The following MAZ variants were observed in gnomAD, a reference collection of about 807,000 sequenced individuals.
MAZ encodes the protein MYC associated zinc finger protein.
MAZ carries 4 observed loss-of-function variants against 32.7 expected under a neutral mutation model. The observed-to-expected ratio is 0.12, with a 90% CI of 0.06 to 0.28. MAZ has a LOEUF of 0.28. Among genes scored for constraint, MAZ ranks in the 10% least tolerant of loss-of-function variants. MAZ has a pLI of 1.00. For synonymous variants in MAZ, 510 were observed against 297.6 expected, an observed-to-expected ratio of 1.71 and a Z score of -7.35; for missense variants, 763 against 667.2, an observed-to-expected ratio of 1.14 and a Z score of -1.58.
Position 29,808,618 on chromosome 16 carries a change from G to A in MAZ, c.1156G>A (p.Val386Ile), listed in dbSNP as rs2142402182. ...GAAGGATCGGCTGCGGGCGCACACA[G>A]TACGACACGAGGAGAAAGTGCCATG... Reference protein sequence around the residue: ...ATKDRLRAHTVRHEEKVPCHV... With the variant: ...ATKDRLRAHTIRHEEKVPCHV... Residue 386 changes from valine to isoleucine, a missense_variant, in exon 4 of 5, where the codon GTA (valine) becomes ATA (isoleucine). Physicochemically the swap from Val to Ile is conservative, Grantham distance 29. Transcript: ENST00000322945. The A allele has an allele frequency of 6.2e-7, 1 of 1,613,390 alleles. No homozygotes were observed. The highest frequency in any genetic ancestry group is 2.2e-5 in the East Asian group (1 of 44,854).
Position 29,807,606 on chromosome 16 carries a change from G to A in MAZ, c.821G>A (p.Arg274His). ...GTGACCACGACCGCCTCGGGGAAGC[G>A]CATCCGGAAGAACCATGCCTGCGAG... ...GVVTTTASGK[R>H]IRKNHACEMC... is the part of the protein sequence containing the mutation. The change falls in exon 2 of 5, where the codon CGC becomes CAC. Residue 274 changes from arginine to histidine, a missense_variant. Transcript: ENST00000322945. 3 of 1,612,366 alleles carry A rather than the reference G, an allele frequency of 1.9e-6. No individual in the cohort carries two copies. Among genetic ancestry groups the A allele is most frequent in the Non-Finnish European group, 1.7e-6 (2 of 1,179,730 alleles).
At chr16:29,808,521 A>G (rs1432267477) in intron 3 of MAZ, 49 bp from the exon 4 acceptor site, 6 of 559,116 alleles carry the variant, frequency 1.1e-5, no homozygotes, top group Non-Finnish European at 1.3e-5. Context: ...CCAGCCCACC[A>G]AGCTTTAACT....
At position 29,810,298 on chromosome 16, in the gene MAZ, C is replaced by G; in HGVS notation, c.*67C>G. ...GTCCCTTGGTACAAGCTCCTCTCCC[C>G]CCTCTTTTCCCACCAACTCCTATTT... On this transcript the variant is annotated 3_prime_UTR_variant, in exon 5 of 5. Transcript: ENST00000322945. 6.9e-7 allele frequency: 1 copy of G among 1,451,762 alleles called. No homozygotes were observed. Among genetic ancestry groups the G allele is most frequent in the Non-Finnish European group, 9.4e-7 (1 of 1,059,428 alleles). 89.9% of individuals were successfully genotyped at this position (1,451,762 alleles called of 1,614,324 possible). A position where few individuals can be genotyped will look rare whatever the true frequency, so the allele number is the denominator to read the frequency against.
chr16:29,810,265 G>C lies in MAZ; in HGVS notation c.*34G>C, dbSNP rs1447365482. 6 of 1,549,864 alleles carry C rather than the reference G, an allele frequency of 3.9e-6. No homozygotes were observed. Among genetic ancestry groups the C allele is most frequent in the Non-Finnish European group, 5.2e-6 (6 of 1,144,020 alleles). ...TTGGTTGCGGGGGAGAGGGGAGAAT[G>C]GAGTAGAGTCCCTTGGTACAAGCTC... is the stretch of plus-strand genomic sequence containing the variant. On this transcript the variant is annotated 3_prime_UTR_variant, in exon 5 of 5. Coordinates refer to ENST00000322945, the MANE Select transcript of MAZ (RefSeq NM_002383.4).
chr16:29,807,097 C>T lies in MAZ; in HGVS notation c.312C>T (p.Ala104=), dbSNP rs1899538662. ...ESAAAAAAAA[A]AAAAVAAAPP... is the part of the protein sequence containing the mutation. ...CCGCGGCTGCTGCGGCCGCTGCCGC[C>T]GCTGCTGCCGCCGTCGCTGCCGCGC... Residue 104 remains alanine (A), a synonymous_variant, in exon 2 of 5, where the codon GCC becomes GCT. Coordinates refer to ENST00000322945, the MANE Select transcript of MAZ (RefSeq NM_002383.4). The T allele has an allele frequency of 6.0e-6, 6 of 995,428 alleles. No homozygotes were observed. The highest frequency in any genetic ancestry group is 1.8e-4 in the East Asian group (2 of 11,102). The allele number at this position is 995,428 out of a possible 1,614,324, so 61.7% of individuals were successfully genotyped here.
At chr16:29,809,978 G>A in intron 4 of MAZ, 99 bp from the exon 5 acceptor site, 4 of 1,526,400 alleles carry the variant, frequency 2.6e-6, no homozygotes, top group Non-Finnish European at 3.5e-6. Context: ...AGTGAGCAAC[G>A]GCTGTGTCCC....
chr16:29,806,473 A>G (rs986357397), upstream of MAZ: 2 of 118,162 alleles, frequency 1.7e-5, no homozygotes, highest in African/African-American at 8.9e-5. Context: ...TCCCGCCCCC[A>G]CCCAGGGGGC....
rs755963202 is a variant in MAZ, at chr16:29,809,628, G to T, written c.1280-449G>T. The T allele has an allele frequency of 1.9e-6, 3 of 1,609,474 alleles. No homozygotes were observed. The African/African-American group carries it at 4.0e-5, about 22-fold the overall frequency. On this transcript the variant is annotated intron_variant, in intron 4 of 4. Coordinates refer to ENST00000322945, the MANE Select transcript of MAZ (RefSeq NM_002383.4). ...GGGCTGACCGCATCCTGTGCAAGCT[G>T]TGCAGCGTGCACTGCAAGACCCCTG...
At chr16:29,809,613 C>T in intron 4 of MAZ, 1 of 1,612,002 alleles carries the variant, frequency 6.2e-7, no homozygotes, top group South Asian at 1.1e-5. Flanking sequence ...GGGCTGACCG[C>T]ATCCTGTGCA....
rs1165226949 is a variant in MAZ at position 29,807,104 on chromosome 16, G to A, written c.319G>A (p.Ala107Thr). Residue 107 changes from alanine (A) to threonine (T), a missense_variant, in exon 2 of 5, where the codon GCC becomes ACC. Transcript: ENST00000322945. Reference sequence around the variant, plus strand: ...TGCTGCGGCCGCTGCCGCCGCTGCTGCCGCCGTCGCTGCCGCGCCCCCGGC... The same window carrying A: ...TGCTGCGGCCGCTGCCGCCGCTGCTACCGCCGTCGCTGCCGCGCCCCCGGC... ...AAAAAAAAAAAAVAAAPPAPA... is the reference protein window; with the variant it reads ...AAAAAAAAAATAVAAAPPAPA... The A allele has an allele frequency of 2.0e-6, 2 of 1,005,676 alleles. No individual in the cohort carries two copies. The highest frequency in any genetic ancestry group is 2.4e-6 in the Non-Finnish European group (2 of 835,058). The allele number at this position is 1,005,676 out of a possible 1,614,324, so 62.3% of individuals were successfully genotyped here. A position where few individuals can be genotyped will look rare whatever the true frequency, so the allele number is the denominator to read the frequency against.
At position 29,808,512 on chromosome 16, in the gene MAZ, C is replaced by T. The variant is rs960584415; in HGVS notation, c.1108-58C>T. On this transcript the variant is annotated intron_variant, in intron 3 of 4. Transcript: ENST00000322945. ...CTTTAATCTCTTGCTCCCCCCTCCCCAGCCCACCAAGCTTTAACTCTCCTG... is the reference window on the plus strand; with the variant it reads ...CTTTAATCTCTTGCTCCCCCCTCCCTAGCCCACCAAGCTTTAACTCTCCTG... 9.7e-6 allele frequency: 12 copies of T among 1,241,960 alleles called. No individual in the cohort carries two copies. The African/African-American group carries it at 1.5e-4, about 15-fold the overall frequency. The allele number at this position is 1,241,960 out of a possible 1,614,324, so 76.9% of individuals were successfully genotyped here.
chr16:29,808,539 G>A lies in MAZ; in HGVS notation c.1108-31G>A, dbSNP rs59191294. The A allele has an allele frequency of 2.0e-3, 2,918 of 1,489,020 alleles. 34 individuals are homozygous for A. The African/African-American group carries it at 0.039, about 20-fold the overall frequency. The allele number at this position is 1,489,020 out of a possible 1,614,324, so 92.2% of individuals were successfully genotyped here. ...GCCCACCAAGCTTTAACTCTCCTGT[G>A]ACACCCCCCACGCCCCTCCCCCCTC... On this transcript the variant is annotated intron_variant, in intron 3 of 4. Coordinates refer to ENST00000322945, the MANE Select transcript of MAZ (RefSeq NM_002383.4).
At position 29,806,993 on chromosome 16, in the gene MAZ, C is replaced by CCGCCCA. The variant is rs2142392622; in HGVS notation, c.214_219dup (p.Thr72_Pro73dup). The CCGCCCA allele has an allele frequency of 2.0e-6, 2 of 1,015,060 alleles. No homozygotes were observed. The highest frequency in any genetic ancestry group is 2.3e-6 in the Non-Finnish European group (2 of 853,126). The allele number at this position is 1,015,060 out of a possible 1,614,324, so 62.9% of individuals were successfully genotyped here. ...GTCTCCGCAGGCCGCGCCGGCGCCC[C>CCGCCCA]CGCCCACGCCCCAGGCCCCGGCGGC... is the stretch of plus-strand genomic sequence containing the variant. On this transcript the variant is annotated inframe_insertion, in exon 2 of 5. Transcript: ENST00000322945.
intron 4 of MAZ, chr16:29,809,174 C>T (rs1446679806): frequency 2.0e-6 from 1 of 491,522 alleles, no homozygotes; most frequent in South Asian, 2.9e-5. Context: ...GTCAGACTCA[C>T]CGGTTAACTG....
chr16:29,810,384 C>T lies in MAZ; in HGVS notation c.*153C>T, dbSNP rs921426429. 3 of 845,454 alleles carry T rather than the reference C, an allele frequency of 3.5e-6. No homozygotes were observed. Among genetic ancestry groups the T allele is most frequent in the East Asian group, 2.6e-5 (1 of 37,818 alleles). The allele number at this position is 845,454 out of a possible 1,614,324, so 52.4% of individuals were successfully genotyped here. On this transcript the variant is annotated 3_prime_UTR_variant, in exon 5 of 5. Transcript: ENST00000322945. ...GAAGAAATGTTTTCTTAGGGGAATT[C>T]GCTAGGTTTTAACGATTTGTTTCTC... is the stretch of plus-strand genomic sequence containing the variant.
Position 29,807,588 on chromosome 16 carries a change from C to T in MAZ, c.803C>T (p.Thr268Met), listed in dbSNP as rs1354057714. 1.9e-6 allele frequency: 3 copies of T among 1,611,236 alleles called. No homozygotes were observed. The highest frequency in any genetic ancestry group is 1.3e-5 in the African/African-American group (1 of 74,866). The part of the protein sequence containing the change: ...AAVAAGGVVT[T>M]TASGKRIRKN... Reference sequence around the variant, plus strand: ...GTGGCCGCCGGTGGCGTGGTGACCACGACCGCCTCGGGGAAGCGCATCCGG... The same window carrying T: ...GTGGCCGCCGGTGGCGTGGTGACCATGACCGCCTCGGGGAAGCGCATCCGG... Residue 268 changes from threonine to methionine, a missense_variant, in exon 2 of 5, where the codon ACG becomes ATG. Transcript: ENST00000322945.
At chr16:29,806,447 C>G (rs1194754742), upstream of MAZ, 1 of 145,382 alleles carries the variant, frequency 6.9e-6, no homozygotes, top group Non-Finnish European at 1.4e-5. Flanking sequence ...GCCCCCGGCC[C>G]CGGCCCCGCG....
At chr16:29,807,985 G>C (rs749040100) in intron 2 of MAZ, 157 bp downstream of exon 2, 19 of 1,352,306 alleles carry the variant, frequency 1.4e-5, no homozygotes, top group Non-Finnish European at 1.9e-5. Context: ...CGGTTACCAG[G>C]GAGCAAGGGG....
At chr16:29,806,331 G>C (rs1306259872), upstream of MAZ, among the ~76,000 whole-genome samples, 2 of 77,444 alleles carry the variant, frequency 2.6e-5, no homozygotes, top group African/African-American at 1.0e-4. Context: ...CCGAGGCGCC[G>C]GCTGGGCGCG....
Sources: allele counts gnomAD v4.1 joint callset (sites outside exome capture counted in the v4.1 genomes callset), GRCh38; gene constraint gnomAD v4.1.1; transcripts MANE v1.5; gene names NCBI Gene and HGNC (gene_info 2026-07-23, HGNC 2026-07-21).